Variants in ITPKA observed in about 807,000 individuals in gnomAD.
ITPKA encodes the protein IP3 3-kinase A.
A neutral mutation model predicts 40.7 loss-of-function variants in ITPKA; 16 were observed. The ratio of observed to expected loss-of-function variants is 0.39; its 90% CI spans 0.27 to 0.60. The LOEUF is 0.60. Among genes scored for constraint, ITPKA ranks in the 20% least tolerant of loss-of-function variants. The probability of loss-of-function intolerance (pLI) is 0.50; values close to 1 mark genes in which losing one functional copy is unlikely to be tolerated. For missense variants in ITPKA, 540 were observed against 649.3 expected (o/e 0.83, Z 1.83); for synonymous variants, 313 against 289.9 (o/e 1.08, Z -0.81).
chr15:41,503,400 A>G lies in ITPKA; in HGVS notation c.*234A>G. On this transcript the variant is annotated 3_prime_UTR_variant, in exon 7 of 7. Coordinates refer to ENST00000260386, the MANE Select transcript of ITPKA (RefSeq NM_002220.3). ...ACTAACTTATAGAAGGGGAGGGGGC[A>G]AAGGGCTTCTTCCTCAGGCCAGCTC... 1.7e-6 allele frequency: 1 copy of G among 593,236 alleles called. No homozygotes were observed. Among genetic ancestry groups the G allele is most frequent in the South Asian group, 1.9e-5 (1 of 51,896 alleles). The allele number at this position is 593,236 out of a possible 1,614,324, so 36.7% of individuals were successfully genotyped here. A position where few individuals can be genotyped will look rare whatever the true frequency, so the allele number is the denominator to read the frequency against.
chr15:41,502,333 C>A, intron 4 of ITPKA, 69 bp from the exon 5 acceptor site: 1 of 1,381,452 alleles, frequency 7.2e-7, no homozygotes, highest in Non-Finnish European at 1.0e-6. Context: ...TGGGAGGTAC[C>A]GCTGCTCTAC....
At chr15:41,495,373 G>T (rs2051063429) in intron 1 of ITPKA, among the ~76,000 whole-genome samples, 1 of 152,228 alleles carries the variant, frequency 6.6e-6, no homozygotes, top group Non-Finnish European at 1.5e-5. Context: ...GGGCGTCTGG[G>T]GCCTGCCCAT....
chr15:41,494,483 C>A lies in ITPKA; in HGVS notation c.489+67C>A. The A allele has an allele frequency of 1.9e-6, 2 of 1,070,026 alleles. No homozygotes were observed. The highest frequency in any genetic ancestry group is 1.8e-5 in the South Asian group (1 of 54,310). 66.3% of individuals were successfully genotyped at this position (1,070,026 alleles called of 1,614,324 possible). A position where few individuals can be genotyped will look rare whatever the true frequency, so the allele number is the denominator to read the frequency against. On this transcript the variant is annotated intron_variant, in intron 1 of 6. Coordinates refer to ENST00000260386, the MANE Select transcript of ITPKA (RefSeq NM_002220.3). The surrounding 1 kb of genome is among the most constrained non-coding windows in gnomAD (Gnocchi z 7.8). ...TGCACGGGGGACCTGGCTGGGTGCT[C>A]CCGGAGGACCCGCTCCTGTCCATGC...
At position 41,501,428 on chromosome 15, in the gene ITPKA, C is replaced by T. The variant is rs367851206; in HGVS notation, c.490-35C>T. On this transcript the variant is annotated intron_variant, in intron 1 of 6. Coordinates refer to ENST00000260386, the MANE Select transcript of ITPKA (RefSeq NM_002220.3). ...AGGGAGGGCTTATGCATTGCCGAGACGCCGATTATCAGACCTTGACCCTGT... is the reference window on the plus strand; with the variant it reads ...AGGGAGGGCTTATGCATTGCCGAGATGCCGATTATCAGACCTTGACCCTGT... 2.3e-5 allele frequency: 37 copies of T among 1,578,322 alleles called. 1 individual carries two copies. The South Asian group carries it at 3.9e-4, about 17-fold the overall frequency.
In ITPKA at chr15:41,503,005, C is replaced by A; in HGVS notation, c.1225C>A (p.Arg409Ser). Residue 409 changes from arginine (R) to serine (S), a missense_variant, in exon 7 of 7, where the codon CGC (arginine) becomes AGC (serine). Arg to Ser is a moderately radical substitution (Grantham distance 110). Transcript: ENST00000260386. ...SLLFVHDHCH[R>S]AGVWLIDFGK... Reference sequence around the variant, plus strand: ...CCTCTTTGTGCACGATCACTGCCATCGCGCCGGCGTGTGGCTCATCGACTT... The same window carrying A: ...CCTCTTTGTGCACGATCACTGCCATAGCGCCGGCGTGTGGCTCATCGACTT... The A allele has an allele frequency of 1.2e-6, 2 of 1,607,976 alleles. No individual in the cohort carries two copies. Among genetic ancestry groups the A allele is most frequent in the Non-Finnish European group, 1.7e-6 (2 of 1,176,684 alleles).
At chr15:41,500,118 G>C (rs1284531508) in intron 1 of ITPKA, among the ~76,000 whole-genome samples, 2 of 152,156 alleles carry the variant, frequency 1.3e-5, no homozygotes, top group Admixed American at 1.3e-4. Context: ...ATGCCACCAT[G>C]TCCGGCTAAT....
At chr15:41,496,210 G>T (rs1345528426) in intron 1 of ITPKA, among the ~76,000 whole-genome samples, 1 of 152,246 alleles carries the variant, frequency 6.6e-6, no homozygotes, top group Non-Finnish European at 1.5e-5. Flanking sequence ...CGCACAGCGC[G>T]CCGGCCCAGG....
At chr15:41,501,275 G>A (rs1295346584) in intron 1 of ITPKA, 188 bp from the exon 2 acceptor site, 5 of 979,136 alleles carry the variant, frequency 5.1e-6, no homozygotes, top group Non-Finnish European at 6.1e-6. Flanking sequence ...CCTTCACTGC[G>A]CCTGTATCAG....
In ITPKA at chr15:41,494,573, T is replaced by C. The variant is rs1349718381; in HGVS notation, c.489+157T>C. Reference sequence around the variant, plus strand: ...AATCTGGGGGTCAGAGGGAGGCGCCTGGCCGACCTCTCGCCTGGGCAACTT... The same window carrying C: ...AATCTGGGGGTCAGAGGGAGGCGCCCGGCCGACCTCTCGCCTGGGCAACTT... On this transcript the variant is annotated intron_variant, in intron 1 of 6. Transcript: ENST00000260386. This position sits in a 1 kb window ranked among gnomAD's most constrained non-coding sequence, Gnocchi z 7.8. 1.3e-5 allele frequency among the ~76,000 whole-genome samples: 2 copies of C among 152,160 alleles called. No individual in the cohort carries two copies. The highest frequency in any genetic ancestry group is 2.9e-5 in the Non-Finnish European group (2 of 68,010).
rs759804092 is a variant in ITPKA at position 41,501,805 on chromosome 15, G to C, written c.757G>C (p.Asp253His). The part of the protein sequence containing the change: ...ESYLQLQDLL[D>H]GFDGPCVLDC... ...CTACCTGCAGCTGCAGGACCTGCTCGATGGCTTCGACGGACCTTGTGTGCT... is the reference window on the plus strand; with the variant it reads ...CTACCTGCAGCTGCAGGACCTGCTCCATGGCTTCGACGGACCTTGTGTGCT... Residue 253 changes from aspartate (D) to histidine (H), a missense_variant, in exon 3 of 7, where the codon GAT becomes CAT. Coordinates refer to ENST00000260386, the MANE Select transcript of ITPKA (RefSeq NM_002220.3). 2 of 1,613,344 alleles carry C rather than the reference G, an allele frequency of 1.2e-6. No individual in the cohort carries two copies. Among genetic ancestry groups the C allele is most frequent in the Non-Finnish European group, 1.7e-6 (2 of 1,179,898 alleles).
intron 1 of ITPKA, among the ~76,000 whole-genome samples, chr15:41,497,837 TA>T (rs2051085088): frequency 6.6e-6 from 1 of 151,658 alleles, no homozygotes; most frequent in Non-Finnish European, 1.5e-5. Context: ...CTGGGCAACA[TA>T]GCAAAATCCT....
chr15:41,497,519 C>T (rs1039043056), intron 1 of ITPKA, among the ~76,000 whole-genome samples: 6 of 152,158 alleles, frequency 3.9e-5, no homozygotes, highest in Non-Finnish European at 8.8e-5. Context: ...TCAGCCACCG[C>T]GCCTGGGCTT....
chr15:41,501,365 C>T (rs918691875), intron 1 of ITPKA, 98 bp from the exon 2 acceptor site: 45 of 1,511,820 alleles, frequency 3.0e-5, no homozygotes, highest in Non-Finnish European at 3.9e-5. Context: ...CAGCTGCTTC[C>T]GGTGGGTCGG....
rs1293378751 is a variant in ITPKA at position 41,494,704 on chromosome 15, G to A, written c.489+288G>A. On this transcript the variant is annotated intron_variant, in intron 1 of 6. Coordinates refer to ENST00000260386, the MANE Select transcript of ITPKA (RefSeq NM_002220.3). The surrounding 1 kb of genome is among the most constrained non-coding windows in gnomAD (Gnocchi z 7.8). ...GGGGACTGGGCGAAGCGGGGGTAGC[G>A]GACCTTGTTGGCTGTGGGTTAGGAC... is the stretch of plus-strand genomic sequence containing the variant. Among the ~76,000 whole-genome samples, 1 of 152,238 alleles carries A rather than the reference G, an allele frequency of 6.6e-6. No homozygotes were observed. The highest frequency in any genetic ancestry group is 1.5e-5 in the Non-Finnish European group (1 of 68,042).
At chr15:41,496,392 A>ATC (rs1334372008) in intron 1 of ITPKA, among the ~76,000 whole-genome samples, 1 of 152,142 alleles carries the variant, frequency 6.6e-6, no homozygotes, top group Non-Finnish European at 1.5e-5. Context: ...TGCCTGGGGC[A>ATC]TACGTAGTCC....
chr15:41,503,389 G>T lies in ITPKA; in HGVS notation c.*223G>T. On this transcript the variant is annotated 3_prime_UTR_variant, in exon 7 of 7. Coordinates refer to ENST00000260386, the MANE Select transcript of ITPKA (RefSeq NM_002220.3). Reference sequence around the variant, plus strand: ...AGCCAAATGACACTAACTTATAGAAGGGGAGGGGGCAAAGGGCTTCTTCCT... The same window carrying T: ...AGCCAAATGACACTAACTTATAGAATGGGAGGGGGCAAAGGGCTTCTTCCT... 1 of 593,650 alleles carries T rather than the reference G, an allele frequency of 1.7e-6. No homozygotes were observed. Among genetic ancestry groups the T allele is most frequent in the Non-Finnish European group, 3.0e-6 (1 of 331,618 alleles). The allele number at this position is 593,650 out of a possible 1,614,324, so 36.8% of individuals were successfully genotyped here.
chr15:41,498,306 CAAAAAA>C (rs761859856), intron 1 of ITPKA, among the ~76,000 whole-genome samples: 1 of 73,706 alleles, frequency 1.4e-5, no homozygotes, highest in Non-Finnish European at 2.6e-5. Flanking sequence ...GACCTTGTCT[CAAAAAA>C]AAAAAAAAAA....
At chr15:41,499,786 C>T (rs908219477) in intron 1 of ITPKA, among the ~76,000 whole-genome samples, 2 of 151,940 alleles carry the variant, frequency 1.3e-5, no homozygotes, top group African/African-American at 2.4e-5. Flanking sequence ...TGCCGAGTTG[C>T]GGGTGGTAAG....
At chr15:41,498,025 C>G (rs974043832) in intron 1 of ITPKA, among the ~76,000 whole-genome samples, 1 of 151,964 alleles carries the variant, frequency 6.6e-6, no homozygotes, top group African/African-American at 2.4e-5. Flanking sequence ...TGGTGGTGCA[C>G]GCCTATAATC....
Sources: allele counts gnomAD v4.1 joint callset (sites outside exome capture counted in the v4.1 genomes callset), GRCh38; gene constraint gnomAD v4.1.1; non-coding constraint Gnocchi (gnomAD v3.1); transcripts MANE v1.5; gene names NCBI Gene and HGNC (gene_info 2026-07-23, HGNC 2026-07-21).